STAG1: variants seen among roughly 807,000 people sequenced by gnomAD.
STAG1 encodes the protein STAG1 cohesin complex component, also known as cohesin subunit SA-1.
Under a neutral mutation model 170.9 loss-of-function variants are expected in STAG1, and 26 were observed. The ratio of observed to expected loss-of-function variants is 0.15; its 90% CI spans 0.11 to 0.21. The LOEUF (loss-of-function observed/expected upper bound fraction) is 0.21, where lower values mean the gene tolerates loss of function less well. Among genes scored for constraint, STAG1 ranks in the 10% least tolerant of loss-of-function variants. The pLI is 1.00. For synonymous variants in STAG1, 514 were observed against 497.7 expected, an observed-to-expected ratio of 1.03 and a Z score of -0.44; for missense variants, 964 against 1,509.5, an observed-to-expected ratio of 0.64 and a Z score of 5.99.
chr3:136,579,726 A>AG (rs1457690781), intron 4 of STAG1, among the ~76,000 whole-genome samples: 1 of 152,174 alleles, frequency 6.6e-6, no homozygotes, highest in Admixed American at 6.5e-5. Flanking sequence ...ACAGGGTTGG[A>AG]GGGGCAACTC....
chr3:136,466,664 T>C (rs2089470440), intron 12 of STAG1, among the ~76,000 whole-genome samples: 1 of 152,068 alleles, frequency 6.6e-6, no homozygotes, highest in Admixed American at 6.6e-5. Flanking sequence ...GCCACAAAGA[T>C]ACTCCTCGAG....
chr3:136,465,120 T>A, intron 12 of STAG1, 132 bp from the exon 13 acceptor site: 1 of 561,784 alleles, frequency 1.8e-6, no homozygotes, highest in Non-Finnish European at 2.9e-6. Context: ...TATCTTACTT[T>A]GAAAGTAATG....
intron 1 of STAG1, among the ~76,000 whole-genome samples, chr3:136,715,299 C>T (rs1310659922): frequency 6.6e-6 from 1 of 151,100 alleles, no homozygotes; most frequent in Admixed American, 6.6e-5. Context: ...AGGTATGAGC[C>T]ACTGCACCAG....
intron 22 of STAG1, among the ~76,000 whole-genome samples, chr3:136,381,507 C>A (rs1245689147): frequency 2.0e-5 from 3 of 151,814 alleles, no homozygotes; most frequent in Non-Finnish European, 4.4e-5. Context: ...CTGTGGGTAA[C>A]CTTGGGGAGA....
At chr3:136,478,864 G>A (rs1026681048) in intron 9 of STAG1, among the ~76,000 whole-genome samples, 1 of 151,932 alleles carries the variant, frequency 6.6e-6, no homozygotes, top group Non-Finnish European at 1.5e-5. Context: ...TTCAAATCCT[G>A]GTTCTGCTAT....
In STAG1 at chr3:136,551,200, AGAGAGAGT is replaced by A. The variant is rs1477643666; in HGVS notation, c.395-9013_395-9006del. ...TTTTTTGAGAGAGAGAGAGAGGTTG[AGAGAGAGT>A]GAGAGAGAGAGAGAGAGAGAGAGAG... On this transcript the variant is annotated intron_variant, in intron 5 of 33. Transcript: ENST00000383202. Among the ~76,000 whole-genome samples the A allele has an allele frequency of 6.0e-3, 308 of 51,696 alleles. 8 individuals are homozygous for A. The highest frequency in any genetic ancestry group is 0.02 in the African/African-American group (191 of 9,750). The allele number at this position is 51,696 out of a possible 152,430, so 33.9% of individuals were successfully genotyped here. A position where few individuals can be genotyped will look rare whatever the true frequency, so the allele number is the denominator to read the frequency against.
intron 16 of STAG1, among the ~76,000 whole-genome samples, chr3:136,424,790 C>T (rs1421938704): frequency 6.6e-6 from 1 of 152,070 alleles, no homozygotes; most frequent in Admixed American, 6.6e-5. Context: ...CTAGCAATAC[C>T]AATTCTATCT....
intron 29 of STAG1, 144 bp downstream of exon 29, chr3:136,349,014 C>G: frequency 1.5e-6 from 1 of 663,082 alleles, no homozygotes; most frequent in Admixed American, 2.7e-5. Flanking sequence ...CTGTTTCAAC[C>G]TTTTTGCCTT....
Position 136,338,241 on chromosome 3 carries a change from T to C in STAG1, c.*13A>G. On this transcript the variant is annotated 3_prime_UTR_variant, in exon 34 of 34. Transcript: ENST00000383202. ...AATAATAGAGTTCCAGATTTGTAAA[T>C]TTTCTTCAGACTTCAGAACATAGGC... is the stretch of plus-strand genomic sequence containing the variant. The C allele has an allele frequency of 1.3e-6, 2 of 1,593,048 alleles. No homozygotes were observed. Among genetic ancestry groups the C allele is most frequent in the South Asian group, 2.2e-5 (2 of 90,160 alleles).
At chr3:136,496,092 T>G (rs1933071278) in intron 9 of STAG1, among the ~76,000 whole-genome samples, 1 of 151,378 alleles carries the variant, frequency 6.6e-6, no homozygotes, top group African/African-American at 2.4e-5. Flanking sequence ...TGCAGTGAGC[T>G]GAGATTGTAC....
intron 1 of STAG1, among the ~76,000 whole-genome samples, chr3:136,702,387 A>G (rs1237993905): frequency 6.6e-6 from 1 of 152,180 alleles, no homozygotes; most frequent in East Asian, 1.9e-4. Flanking sequence ...AAAATCACTT[A>G]CAATTTTTTC....
intron 1 of STAG1, among the ~76,000 whole-genome samples, chr3:136,697,190 A>G (rs1243071563): frequency 1.3e-5 from 2 of 152,220 alleles, no homozygotes; most frequent in Non-Finnish European, 2.9e-5. Context: ...TCCACACTTA[A>G]CATTTTTTAC....
At chr3:136,346,688 G>C (rs1352146921) in intron 29 of STAG1, among the ~76,000 whole-genome samples, 2 of 152,210 alleles carry the variant, frequency 1.3e-5, no homozygotes, top group African/African-American at 2.4e-5. Context: ...ATGTGCCAGA[G>C]ACTGACTTAA....
intron 9 of STAG1, among the ~76,000 whole-genome samples, chr3:136,491,800 C>T (rs1008131944): frequency 2.0e-5 from 3 of 152,096 alleles, no homozygotes; most frequent in African/African-American, 7.2e-5. Context: ...CAAGACCAGC[C>T]AGGCCAACAT....
chr3:136,364,504 G>T (rs1936999811), intron 25 of STAG1, among the ~76,000 whole-genome samples: 1 of 152,002 alleles, frequency 6.6e-6, no homozygotes, highest in Admixed American at 6.6e-5. Context: ...TACTTCTGGG[G>T]GGTGGGCCTA....
At chr3:136,452,321 C>T (rs563408698) in intron 13 of STAG1, among the ~76,000 whole-genome samples, 174 bp from the exon 14 acceptor site, 54 of 151,844 alleles carry the variant, frequency 3.6e-4, no homozygotes, top group African/African-American at 1.3e-3. Context: ...TCCCAGCACT[C>T]TGGGAGGCCG....
intron 12 of STAG1, among the ~76,000 whole-genome samples, chr3:136,471,244 G>A (rs973401703): frequency 6.6e-6 from 1 of 152,006 alleles, no homozygotes; most frequent in South Asian, 2.1e-4. Flanking sequence ...AAAAAGATGA[G>A]AATTCCAGCA....
At chr3:136,598,940 C>G (rs1938551426) in intron 4 of STAG1, among the ~76,000 whole-genome samples, 1 of 152,120 alleles carries the variant, frequency 6.6e-6, no homozygotes, top group Non-Finnish European at 1.5e-5. Context: ...ATCTTGCTCA[C>G]TCCTGAGAAC....
chr3:136,436,386 ATTCTCCT>A (rs1163954176), intron 15 of STAG1, among the ~76,000 whole-genome samples: 2 of 151,838 alleles, frequency 1.3e-5, no homozygotes. Context: ...GGTTCAAGTG[ATTCTCCT>A]GCCTCAGCCT....
Sources: gnomAD v4.1 joint callset for allele counts (sites outside exome capture counted in the v4.1 genomes callset) on GRCh38, gnomAD v4.1.1 for gene constraint, MANE v1.5 for transcripts, NCBI Gene and HGNC (gene_info 2026-07-23, HGNC 2026-07-21) for gene names.